Variants in CFAP70 observed in about 807,000 individuals in gnomAD.
CFAP70 encodes the protein cilia and flagella associated protein 70.
CFAP70 carries 81 observed loss-of-function variants against 137.6 expected under a neutral mutation model. The ratio of observed to expected loss-of-function variants is 0.59; its 90% CI spans 0.49 to 0.71. The LOEUF (loss-of-function observed/expected upper bound fraction) is 0.71. CFAP70 is among the 30% of genes least tolerant of loss of function. The probability of loss-of-function intolerance (pLI) is 0.00; values close to 1 mark genes in which losing one functional copy is unlikely to be tolerated. For synonymous variants in CFAP70, 382 were observed against 423.6 expected (o/e 0.90, Z 1.20); for missense variants, 976 against 1,226.7 (o/e 0.80, Z 3.05).
At chr10:73,356,247 G>A (rs1161058792) in intron 1 of CFAP70, among the ~76,000 whole-genome samples, 1 of 150,542 alleles carries the variant, frequency 6.6e-6, no homozygotes, top group Non-Finnish European at 1.5e-5. Flanking sequence ...CACCCAGGCT[G>A]GAGTGCAGTG....
intron 9 of CFAP70, among the ~76,000 whole-genome samples, chr10:73,319,173 G>C (rs928644693): frequency 2.0e-5 from 3 of 152,156 alleles, no homozygotes; most frequent in Non-Finnish European, 1.5e-5. Flanking sequence ...TAAACATAAC[G>C]TCTTAATATA....
At chr10:73,338,650 C>T (rs1457161776) in intron 6 of CFAP70, among the ~76,000 whole-genome samples, 4 of 149,082 alleles carry the variant, frequency 2.7e-5, no homozygotes, top group African/African-American at 7.4e-5. Context: ...AGGCTGGTCT[C>T]GAACTCCTAA....
intron 9 of CFAP70, among the ~76,000 whole-genome samples, chr10:73,314,647 AC>A (rs773606926): frequency 9.2e-5 from 14 of 152,068 alleles, no homozygotes; most frequent in Non-Finnish European, 2.1e-4. Flanking sequence ...TCACTCTGTC[AC>A]CTAGACTGGA....
intron 12 of CFAP70, 90 bp from the exon 14 acceptor site, chr10:73,299,755 TG>T (rs2048809596): frequency 9.8e-7 from 1 of 1,022,968 alleles, no homozygotes. Context: ...TCAAAGTGTC[TG>T]GGTGGGGGAG....
At chr10:73,328,879 T>G (rs1368936064) in intron 8 of CFAP70, among the ~76,000 whole-genome samples, 9 of 150,340 alleles carry the variant, frequency 6.0e-5, no homozygotes, top group African/African-American at 2.2e-4. Flanking sequence ...GGAACACTTT[T>G]ACACTGTTGG....
intron 9 of CFAP70, among the ~76,000 whole-genome samples, chr10:73,316,512 A>C (rs1016935076): frequency 6.9e-6 from 1 of 143,892 alleles, no homozygotes. Context: ...ATATATATAT[A>C]TGACGTACAC....
chr10:73,258,488 A>T (rs145367368), intron 25 of CFAP70, among the ~76,000 whole-genome samples: 100 of 152,346 alleles, frequency 6.6e-4, no homozygotes, highest in African/African-American at 2.2e-3. Context: ...TGTGATGATT[A>T]CGTTATCTGC....
intron 4 of CFAP70, among the ~76,000 whole-genome samples, chr10:73,346,670 G>T (rs1451665044): frequency 6.6e-6 from 1 of 151,998 alleles, no homozygotes; most frequent in African/African-American, 2.4e-5. Flanking sequence ...TGTATTGAAT[G>T]CTAGGCACTT....
At chr10:73,337,006 T>C (rs2052734641) in intron 6 of CFAP70, among the ~76,000 whole-genome samples, 1 of 152,188 alleles carries the variant, frequency 6.6e-6, no homozygotes, top group Admixed American at 6.5e-5. Flanking sequence ...GAGACTGCTT[T>C]TTATATAATG....
Position 73,345,115 on chromosome 10 carries a change from C to T in CFAP70, c.350-1G>A, listed in dbSNP as rs1168368621. 3 of 1,614,028 alleles carry T rather than the reference C, an allele frequency of 1.9e-6. No homozygotes were observed. Among genetic ancestry groups the T allele is most frequent in the Non-Finnish European group, 2.5e-6 (3 of 1,180,042 alleles). On this transcript the variant is annotated splice_acceptor_variant, in intron 4 of 26. Transcript: ENST00000310715. LOFTEE classifies it high-confidence loss of function. ...CCGACCATGTAGTTCTGCCCAGGAC[C>T]TGTTGGAATGAAGGATTCAGGCACA... is the stretch of plus-strand genomic sequence containing the variant.
intron 21 of CFAP70, 24 bp downstream of exon 22, chr10:73,277,216 T>G (rs1344844080): frequency 6.3e-7 from 1 of 1,599,960 alleles, no homozygotes; most frequent in South Asian, 1.1e-5. Context: ...TTCCATCTAC[T>G]TGCCCTTTTC....
rs371309273 is a variant in CFAP70 at position 73,275,420 on chromosome 10, C to T, written c.2673+26G>A. 1 of 1,565,296 alleles carries T rather than the reference C, an allele frequency of 6.4e-7. No individual in the cohort carries two copies. Among genetic ancestry groups the T allele is most frequent in the Admixed American group, 1.9e-5 (1 of 52,350 alleles). On this transcript the variant is annotated intron_variant, in intron 22 of 26. Transcript: ENST00000310715. The surrounding 1 kb of genome is among the most constrained non-coding windows in gnomAD (Gnocchi z 4.0). ...TTAAATAAAGCCCCTTCTCCAGACT[C>T]AAGAGGCTTTAGCAAAAGTCATTAC...
chr10:73,335,085 G>A (rs1490454348), intron 7 of CFAP70, among the ~76,000 whole-genome samples: 43 of 132,072 alleles, frequency 3.3e-4, no homozygotes, highest in Admixed American at 6.3e-4. Context: ...TTTTTTGTGA[G>A]CCAGGGTCTT....
At chr10:73,325,807 C>T (rs2051359308) in intron 8 of CFAP70, among the ~76,000 whole-genome samples, 1 of 152,110 alleles carries the variant, frequency 6.6e-6, no homozygotes, top group African/African-American at 2.4e-5. Flanking sequence ...TATATATGCA[C>T]CCAATACAGG....
chr10:73,290,089 T>C (rs2048062364), intron 19 of CFAP70, among the ~76,000 whole-genome samples: 1 of 151,878 alleles, frequency 6.6e-6, no homozygotes, highest in Non-Finnish European at 1.5e-5. Context: ...CATAGTAGTT[T>C]TATTTTAATA....
At chr10:73,285,625 A>G (rs2047627644) in intron 19 of CFAP70, among the ~76,000 whole-genome samples, 1 of 151,384 alleles carries the variant, frequency 6.6e-6, no homozygotes, top group South Asian at 2.1e-4. Flanking sequence ...ATCATTTGAA[A>G]CTATATTTTC....
At chr10:73,268,101 A>G (rs2045936396) in intron 25 of CFAP70, among the ~76,000 whole-genome samples, 1 of 152,206 alleles carries the variant, frequency 6.6e-6, no homozygotes. Context: ...CTGATTTGGT[A>G]TTTTATTTAC....
In CFAP70 at chr10:73,293,046, A is replaced by G. The variant is rs934277181; in HGVS notation, c.1770+217T>C. On this transcript the variant is annotated intron_variant, in intron 16 of 26. Transcript: ENST00000310715. ...TTATTTTATTTTTTGCAATTGTTCT[A>G]ACACTATTTACTGAAAAGACTATCC... Among the ~76,000 whole-genome samples, 12 of 152,172 alleles carry G rather than the reference A, an allele frequency of 7.9e-5. 1 individual carries two copies. Among genetic ancestry groups the G allele is most frequent in the African/African-American group, 2.9e-4 (12 of 41,448 alleles).
At chr10:73,314,951 C>T (rs879832085) in intron 9 of CFAP70, among the ~76,000 whole-genome samples, 4 of 151,622 alleles carry the variant, frequency 2.6e-5, no homozygotes, top group Non-Finnish European at 4.4e-5. Flanking sequence ...CGGTTACTCA[C>T]ACCTGTAATC....
Sources: gnomAD v4.1 joint callset for allele counts (sites outside exome capture counted in the v4.1 genomes callset) on GRCh38, gnomAD v4.1.1 for gene constraint, Gnocchi (gnomAD v3.1) non-coding constraint, MANE v1.5 for transcripts, NCBI Gene and HGNC (gene_info 2026-07-23, HGNC 2026-07-21) for gene names.